Variants in ZNF267 observed in about 807,000 individuals in gnomAD.
The protein encoded by ZNF267 is zinc finger protein 267, also known as zinc finger (C2H2).
Under a neutral mutation model 71.6 loss-of-function variants are expected in ZNF267, and 61 were observed. That is an observed-to-expected ratio of 0.85 (90% CI 0.69 to 1.05). ZNF267 has a LOEUF of 1.05. Ranked by LOEUF, ZNF267 falls within the 50% of genes least tolerant of loss-of-function variation. ZNF267 has a pLI of 0.00. For missense variants in ZNF267, 852 were observed against 870.0 expected, an observed-to-expected ratio of 0.98 and a Z score of 0.26; for synonymous variants, 288 against 293.2, an observed-to-expected ratio of 0.98 and a Z score of 0.18.
At chr16:31,891,881 T>C (rs1012883310) in intron 3 of ZNF267, among the ~76,000 whole-genome samples, 2 of 152,188 alleles carry the variant, frequency 1.3e-5, no homozygotes, top group Admixed American at 6.5e-5. Flanking sequence ...CCTGAAAATA[T>C]GGAAGCAACT....
chr16:31,908,433 T>C (rs1416684664), intron 3 of ZNF267, among the ~76,000 whole-genome samples: 1 of 152,214 alleles, frequency 6.6e-6, no homozygotes, highest in Non-Finnish European at 1.5e-5. Context: ...ATTTTTGCTT[T>C]GTTTCCCTGT....
intron 1 of ZNF267, among the ~76,000 whole-genome samples, chr16:31,881,408 T>G (rs912772598): frequency 6.6e-6 from 1 of 152,134 alleles, no homozygotes; most frequent in African/African-American, 2.4e-5. Context: ...AGATCAGATT[T>G]CTGGGTGGCC....
intron 1 of ZNF267, among the ~76,000 whole-genome samples, chr16:31,884,077 A>G (rs1196779741): frequency 1.3e-5 from 2 of 152,208 alleles, no homozygotes; most frequent in East Asian, 3.8e-4. Context: ...GCAGAAACTC[A>G]AAATCTAGAT....
chr16:31,883,678 T>C (rs1212751907), intron 1 of ZNF267, among the ~76,000 whole-genome samples: 1 of 152,246 alleles, frequency 6.6e-6, no homozygotes, highest in Non-Finnish European at 1.5e-5. Flanking sequence ...TTTATATATG[T>C]AAACAACTTT....
At chr16:31,909,259 G>C (rs1450390206) in intron 3 of ZNF267, among the ~76,000 whole-genome samples, 2 of 150,162 alleles carry the variant, frequency 1.3e-5, no homozygotes, top group South Asian at 4.2e-4. Flanking sequence ...AGCCTCCCAA[G>C]TAGCTGGGAC....
rs2083910638 is a variant in ZNF267, at chr16:31,884,568, A to G, written c.74A>G (p.Gln25Arg). The change falls in exon 2 of 4, where the codon CAG becomes CGG. Residue 25 changes from glutamine (Q) to arginine (R), a missense_variant. Coordinates refer to ENST00000300870, the MANE Select transcript of ZNF267 (RefSeq NM_003414.6). ...GAGTGGGAACACCTGGAACCAGCTC[A>G]GAAGAATTTGTATCAGGATGTGATG... is the stretch of plus-strand genomic sequence containing the variant. ...LEEWEHLEPA[Q>R]KNLYQDVMLE... 6.2e-7 allele frequency: 1 copy of G among 1,614,036 alleles called. No individual in the cohort carries two copies. Among genetic ancestry groups the G allele is most frequent in the South Asian group, 1.1e-5 (1 of 91,090 alleles).
intron 2 of ZNF267, 93 bp from the exon 3 acceptor site, chr16:31,885,068 T>G (rs2083914527): frequency 1.0e-6 from 1 of 991,508 alleles, no homozygotes; most frequent in South Asian, 2.2e-5. Flanking sequence ...AAGTTAGAAA[T>G]TAATCCTGTC....
chr16:31,880,395 G>A (rs758904904), intron 1 of ZNF267, among the ~76,000 whole-genome samples: 10 of 152,214 alleles, frequency 6.6e-5, no homozygotes, highest in Non-Finnish European at 1.5e-4. Flanking sequence ...CCTGTGAGCT[G>A]TGTTACTGGA....
intron 3 of ZNF267, among the ~76,000 whole-genome samples, chr16:31,891,973 C>A (rs2083963283): frequency 6.6e-6 from 1 of 152,048 alleles, no homozygotes. Flanking sequence ...GTTTGGAACT[C>A]CCTAGAGACT....
At chr16:31,906,366 C>T (rs899464883) in intron 3 of ZNF267, among the ~76,000 whole-genome samples, 2 of 152,172 alleles carry the variant, frequency 1.3e-5, no homozygotes, top group Admixed American at 6.5e-5. Flanking sequence ...CTGTGTCCTG[C>T]CCCCAGAGGT....
At chr16:31,875,911 ATTC>A (rs2083849167) in intron 1 of ZNF267, among the ~76,000 whole-genome samples, 1 of 152,220 alleles carries the variant, frequency 6.6e-6, no homozygotes, top group Non-Finnish European at 1.5e-5. Flanking sequence ...ATTGTTAAAA[ATTC>A]TTACTATCTT....
chr16:31,901,793 A>G (rs1444845911), intron 3 of ZNF267, among the ~76,000 whole-genome samples: 1 of 152,048 alleles, frequency 6.6e-6, no homozygotes, highest in African/African-American at 2.4e-5. Context: ...AAGCTCTTTC[A>G]TTTAATTAGA....
At chr16:31,907,662 G>A (rs1438417656) in intron 3 of ZNF267, among the ~76,000 whole-genome samples, 1 of 152,052 alleles carries the variant, frequency 6.6e-6, no homozygotes, top group Non-Finnish European at 1.5e-5. Flanking sequence ...AGCTACTTTG[G>A]AGGTTGAAGT....
chr16:31,884,718 T>A, intron 2 of ZNF267, 94 bp downstream of exon 2: 1 of 1,299,966 alleles, frequency 7.7e-7, no homozygotes, highest in Admixed American at 2.6e-5. Context: ...TATGAGTTAG[T>A]TTTAGATTCT....
At chr16:31,874,228 TCCGCGTCGCAGCC>T in intron 1 of ZNF267, 1 of 460,086 alleles carries the variant, frequency 2.2e-6, no homozygotes, top group South Asian at 3.2e-5. Flanking sequence ...TCTGGGCAGC[TCCGCGTCGCAGCC>T]CCGCGTCTCC....
chr16:31,902,621 G>C (rs2084051119), intron 3 of ZNF267, among the ~76,000 whole-genome samples: 1 of 152,120 alleles, frequency 6.6e-6, no homozygotes, highest in East Asian at 1.9e-4. Flanking sequence ...AAAAATGCTT[G>C]TGATTTTTGC....
chr16:31,901,080 T>C (rs2084037359), intron 3 of ZNF267, among the ~76,000 whole-genome samples: 1 of 152,170 alleles, frequency 6.6e-6, no homozygotes, highest in Admixed American at 6.5e-5. Flanking sequence ...GATGGTTTGC[T>C]GAGAATGATG....
In ZNF267 at chr16:31,915,365, A is replaced by C. The variant is rs149347561; in HGVS notation, c.1116A>C (p.Gln372His). 2 of 1,613,400 alleles carry C rather than the reference A, an allele frequency of 1.2e-6. No homozygotes were observed. The highest frequency in any genetic ancestry group is 1.7e-5 in the Admixed American group (1 of 59,942). Reference protein sequence around the residue: ...NCSLYLTKQQQIDTGENLYKC... With the variant: ...NCSLYLTKQQHIDTGENLYKC... ...GTTTATACCTTACTAAACAGCAGCA[A>C]ATTGATACTGGAGAAAACCTTTACA... is the stretch of plus-strand genomic sequence containing the variant. The change falls in exon 4 of 4, where the codon CAA (glutamine) becomes CAC (histidine). Residue 372 changes from glutamine to histidine, a missense_variant. By Grantham distance (24) the Gln-to-His change is conservative (BLOSUM62 0). Coordinates refer to ENST00000300870, the MANE Select transcript of ZNF267 (RefSeq NM_003414.6).
intron 3 of ZNF267, among the ~76,000 whole-genome samples, chr16:31,889,533 G>A (rs1203947322): frequency 6.6e-6 from 1 of 152,132 alleles, no homozygotes; most frequent in Non-Finnish European, 1.5e-5. Context: ...GAAGCATGTT[G>A]TTTAATGTCA....
Sources: gnomAD v4.1 joint callset for allele counts (sites outside exome capture counted in the v4.1 genomes callset) on GRCh38, gnomAD v4.1.1 for gene constraint, MANE v1.5 for transcripts, NCBI Gene and HGNC (gene_info 2026-07-23, HGNC 2026-07-21) for gene names.